Variants in CACNA1E observed in about 807,000 individuals in gnomAD.
CACNA1E encodes the protein calcium voltage-gated channel subunit alpha1 E, also known as voltage-dependent R-type calcium channel subunit alpha-1E.
A neutral mutation model predicts 259.2 loss-of-function variants in CACNA1E; 40 were observed. That is an observed-to-expected ratio of 0.15 (90% CI 0.12 to 0.20). The LOEUF is 0.20. Among genes scored for constraint, CACNA1E ranks in the 10% least tolerant of loss-of-function variants. The probability of loss-of-function intolerance (pLI) is 1.00; values close to 1 mark genes in which losing one functional copy is unlikely to be tolerated. For missense variants in CACNA1E, 1,874 were observed against 3,040.1 expected (o/e 0.62, Z 9.02); for synonymous variants, 1,104 against 1,138.5 (o/e 0.97, Z 0.61).
chr1:181,389,077 TC>T (rs1382507373), intron 1 of CACNA1E, among the ~76,000 whole-genome samples: 1 of 152,190 alleles, frequency 6.6e-6, no homozygotes, highest in Non-Finnish European at 1.5e-5. Context: ...TTTAAAGACA[TC>T]TTCTTTAATA....
chr1:181,566,769 A>G (rs1182395358), intron 3 of CACNA1E, among the ~76,000 whole-genome samples: 2 of 152,322 alleles, frequency 1.3e-5, no homozygotes, highest in East Asian at 1.9e-4. Flanking sequence ...TAATCAGGCT[A>G]TTAAGCATTT....
intron 6 of CACNA1E, among the ~76,000 whole-genome samples, chr1:181,636,836 A>G (rs564091696): frequency 1.3e-5 from 2 of 152,318 alleles, no homozygotes; most frequent in Admixed American, 1.3e-4. Flanking sequence ...CTTTCCATCT[A>G]GAGAACCAGG....
intron 2 of CACNA1E, among the ~76,000 whole-genome samples, chr1:181,464,548 C>G (rs1007824704): frequency 1.4e-5 from 2 of 147,748 alleles, no homozygotes; most frequent in Admixed American, 6.7e-5. Context: ...TACTTTTGTA[C>G]ACTGATTTCA....
rs1309105226 is a variant in CACNA1E at position 181,803,285 on chromosome 1, G to A, written c.*4451G>A. The A allele has an allele frequency of 6.6e-6, 1 of 152,244 alleles. No individual in the cohort carries two copies. The highest frequency in any genetic ancestry group is 1.5e-5 in the Non-Finnish European group (1 of 68,066). The allele number at this position is 152,244 out of a possible 1,614,324, so 9.4% of individuals were successfully genotyped here. A position where few individuals can be genotyped will look rare whatever the true frequency, so the allele number is the denominator to read the frequency against. On this transcript the variant is annotated 3_prime_UTR_variant, in exon 48 of 48. Coordinates refer to ENST00000367573, the MANE Select transcript of CACNA1E (RefSeq NM_001205293.3). ...TGGGTCCCTTGCAAGTGGCCAGACA[G>A]GGAATGATGGTTTGACTCCAGAAAT...
intron 6 of CACNA1E, among the ~76,000 whole-genome samples, chr1:181,613,267 A>G (rs1191203590): frequency 6.6e-6 from 1 of 152,186 alleles, no homozygotes; most frequent in Non-Finnish European, 1.5e-5. Context: ...CATGAGGGCT[A>G]GGAGTGCTGA....
chr1:181,386,347 C>T (rs1029804064), intron 1 of CACNA1E, among the ~76,000 whole-genome samples: 1 of 152,172 alleles, frequency 6.6e-6, no homozygotes, highest in Non-Finnish European at 1.5e-5. Context: ...CTGAAGGGAG[C>T]AGCTTGTGGA....
intron 28 of CACNA1E, 110 bp downstream of exon 28, chr1:181,755,507 C>T (rs1658012664): frequency 9.6e-6 from 8 of 837,086 alleles, no homozygotes; most frequent in Admixed American, 2.4e-5. Context: ...CATCTCTGCT[C>T]TTCTTTCAGC....
At chr1:181,720,906 G>T (rs1258863051) in intron 15 of CACNA1E, 51 bp downstream of exon 15, 5 of 1,134,384 alleles carry the variant, frequency 4.4e-6, no homozygotes, top group Non-Finnish European at 6.6e-6. Flanking sequence ...CCCTTGGACT[G>T]CACACTGCAA....
chr1:181,326,587 T>G (rs1244579952), intron 1 of CACNA1E, among the ~76,000 whole-genome samples: 3 of 152,156 alleles, frequency 2.0e-5, no homozygotes, highest in Non-Finnish European at 4.4e-5. Flanking sequence ...ACCCTGGCCC[T>G]TTCAGCTATT....
chr1:181,582,770 G>T (rs1406605261), intron 6 of CACNA1E, among the ~76,000 whole-genome samples: 1 of 152,130 alleles, frequency 6.6e-6, no homozygotes, highest in Non-Finnish European at 1.5e-5. Flanking sequence ...CTATCATAGT[G>T]CTCTCTTCAA....
chr1:181,482,806 C>G (rs1489797369), upstream of CACNA1E, among the ~76,000 whole-genome samples: 2 of 152,264 alleles, frequency 1.3e-5, no homozygotes, highest in Non-Finnish European at 2.9e-5. Flanking sequence ...TCCTCGCCCG[C>G]CGGTGCTCGC....
intron 6 of CACNA1E, among the ~76,000 whole-genome samples, chr1:181,597,453 G>A (rs1653301467): frequency 1.3e-5 from 2 of 152,148 alleles, no homozygotes; most frequent in African/African-American, 4.8e-5. Context: ...AACACACTTC[G>A]TTGGGATCTC....
intron 3 of CACNA1E, among the ~76,000 whole-genome samples, chr1:181,529,347 G>T (rs1169219729): frequency 1.3e-5 from 2 of 152,390 alleles, no homozygotes; most frequent in African/African-American, 4.8e-5. Flanking sequence ...GTTTGCTGCA[G>T]GGGCAGGGCC....
intron 3 of CACNA1E, among the ~76,000 whole-genome samples, chr1:181,573,110 A>T (rs889336543): frequency 5.3e-5 from 8 of 152,084 alleles, no homozygotes; most frequent in Non-Finnish European, 1.2e-4. Flanking sequence ...TAGCAATTTA[A>T]TTTTTTCTGA....
chr1:181,365,714 T>G (rs1171700037), intron 1 of CACNA1E, among the ~76,000 whole-genome samples: 1 of 152,222 alleles, frequency 6.6e-6, no homozygotes, highest in Admixed American at 6.5e-5. Context: ...GAGCTGTATT[T>G]GCTTTGTTGG....
chr1:181,695,886 C>T (rs556894904), intron 7 of CACNA1E, among the ~76,000 whole-genome samples: 29 of 152,226 alleles, frequency 1.9e-4, no homozygotes, highest in African/African-American at 4.8e-4. Flanking sequence ...ATCCAGGAGG[C>T]GGAGGTTGCA....
chr1:181,616,345 G>GT (rs67785829), intron 6 of CACNA1E, among the ~76,000 whole-genome samples: 64,129 of 151,412 alleles, frequency 0.42, 16,151 homozygotes, highest in East Asian at 0.8. Flanking sequence ...GTTTTGTTTT[G>GT]TTTTTTTTGT....
chr1:181,709,763 G>T (rs1318743188), intron 7 of CACNA1E, among the ~76,000 whole-genome samples: 1 of 152,104 alleles, frequency 6.6e-6, no homozygotes, highest in Non-Finnish European at 1.5e-5. Context: ...AAAGTGCTGG[G>T]ATTACAGGCA....
intron 43 of CACNA1E, among the ~76,000 whole-genome samples, chr1:181,790,059 T>A (rs1397208520): frequency 6.6e-6 from 1 of 152,206 alleles, no homozygotes; most frequent in Non-Finnish European, 1.5e-5. Context: ...TTTTAAAAAG[T>A]CCATGGCTGC....
Sources: allele counts gnomAD v4.1 joint callset (sites outside exome capture counted in the v4.1 genomes callset), GRCh38; gene constraint gnomAD v4.1.1; transcripts MANE v1.5; gene names NCBI Gene and HGNC (gene_info 2026-07-23, HGNC 2026-07-21).